The following GRHL2 variants were observed in gnomAD, a reference collection of about 807,000 sequenced individuals.
The protein encoded by GRHL2 is grainyhead-like protein 2 homolog.
A neutral mutation model predicts 83.8 loss-of-function variants in GRHL2; 21 were observed. The observed-to-expected ratio is 0.25, with a 90% CI of 0.18 to 0.36. The LOEUF is 0.36. Ranked by LOEUF, GRHL2 falls within the 10% of genes least tolerant of loss-of-function variation. The pLI is 1.00. For missense variants in GRHL2, 623 were observed against 781.8 expected (o/e 0.80, Z 2.42); for synonymous variants, 280 against 278.9 (o/e 1.00, Z -0.04).
downstream of GRHL2, among the ~76,000 whole-genome samples, chr8:101,673,231 A>G (rs991579277): frequency 1.4e-4 from 21 of 152,284 alleles, no homozygotes; most frequent in Non-Finnish European, 2.8e-4. Flanking sequence ...AATGGGCTAA[A>G]TGCTCCAATT....
chr8:101,677,374 C>T, the GRHL2 span, among the ~76,000 whole-genome samples: 1 of 151,954 alleles, frequency 6.6e-6, no homozygotes, highest in East Asian at 1.9e-4. Flanking sequence ...AAGGCATTGG[C>T]TGTGAGCTTG....
At chr8:101,605,705 A>T (rs948490889) in intron 8 of GRHL2, among the ~76,000 whole-genome samples, 2 of 152,134 alleles carry the variant, frequency 1.3e-5, no homozygotes, top group South Asian at 4.1e-4. Context: ...CATTGACCGG[A>T]ACTGATGTGG....
chr8:101,526,789 G>A (rs1343606957), intron 1 of GRHL2, among the ~76,000 whole-genome samples: 1 of 152,022 alleles, frequency 6.6e-6, no homozygotes, highest in East Asian at 1.9e-4. Context: ...CTGTATTTCG[G>A]TATGCAGTCA....
intron 1 of GRHL2, among the ~76,000 whole-genome samples, chr8:101,502,538 G>A (rs1810251001): frequency 6.6e-6 from 1 of 152,184 alleles, no homozygotes; most frequent in Non-Finnish European, 1.5e-5. Flanking sequence ...TTGCTGGGAT[G>A]GTAGAAAAGT....
downstream of GRHL2, among the ~76,000 whole-genome samples, chr8:101,670,490 G>A (rs1814187221): frequency 6.6e-6 from 1 of 152,236 alleles, no homozygotes; most frequent in Non-Finnish European, 1.5e-5. Flanking sequence ...CAGGGACTGG[G>A]AAGTGAGGGC....
intron 1 of GRHL2, among the ~76,000 whole-genome samples, chr8:101,533,580 G>A (rs762806484): frequency 6.6e-6 from 1 of 152,204 alleles, no homozygotes; most frequent in Non-Finnish European, 1.5e-5. Context: ...GTTACATTGT[G>A]TTTAAGGAGG....
chr8:101,548,390 G>A (rs1811309823), intron 2 of GRHL2, among the ~76,000 whole-genome samples: 1 of 152,148 alleles, frequency 6.6e-6, no homozygotes, highest in African/African-American at 2.4e-5. Context: ...CAAGAGCAGT[G>A]GGTTGACTGA....
rs144837251 is a variant in GRHL2, at chr8:101,566,193, T to A, written c.679-4146T>A. Among the ~76,000 whole-genome samples, 30 of 152,342 alleles carry A rather than the reference T, an allele frequency of 2.0e-4. No homozygotes were observed. The East Asian group carries it at 4.0e-3, about 21-fold the overall frequency. On this transcript the variant is annotated intron_variant, in intron 4 of 15. Coordinates refer to ENST00000646743, the MANE Select transcript of GRHL2 (RefSeq NM_024915.4). Reference sequence around the variant, plus strand: ...ATGGTAACACCAAATTTCTGTCACTTTGTTAATGTGTTTTAGCACCAAGTA... The same window carrying A: ...ATGGTAACACCAAATTTCTGTCACTATGTTAATGTGTTTTAGCACCAAGTA...
intron 1 of GRHL2, among the ~76,000 whole-genome samples, chr8:101,523,307 A>G (rs750243754): frequency 2.0e-5 from 3 of 151,836 alleles, no homozygotes; most frequent in Non-Finnish European, 4.4e-5. Flanking sequence ...CTTTCCTTGG[A>G]GAGGGGAACT....
chr8:101,657,620 C>CA (rs1401204811), intron 14 of GRHL2, among the ~76,000 whole-genome samples: 2 of 152,112 alleles, frequency 1.3e-5, no homozygotes, highest in Non-Finnish European at 2.9e-5. Context: ...ACGGGTGGAT[C>CA]ACGAGGTCAG....
At chr8:101,495,820 C>CA (rs1388103443) in intron 1 of GRHL2, among the ~76,000 whole-genome samples, 2 of 152,032 alleles carry the variant, frequency 1.3e-5, no homozygotes, top group Admixed American at 6.6e-5. Context: ...TTAATAGTCA[C>CA]AAAAAATACA....
intron 1 of GRHL2, among the ~76,000 whole-genome samples, chr8:101,510,817 G>A (rs1023627011): frequency 1.1e-4 from 16 of 152,098 alleles, no homozygotes; most frequent in Non-Finnish European, 2.4e-4. Flanking sequence ...CTTGTCGGCC[G>A]GGCGTGGTGG....
In GRHL2 at chr8:101,669,242, GA is replaced by G. The variant is rs1369470381; in HGVS notation, c.*2540del. 1 of 22,356 alleles carries G rather than the reference GA, an allele frequency of 4.5e-5. No individual in the cohort carries two copies. Among genetic ancestry groups the G allele is most frequent in the Non-Finnish European group, 1.1e-4 (1 of 9,112 alleles). 1.4% of individuals were successfully genotyped at this position (22,356 alleles called of 1,614,324 possible). ...ATGGAAGATCATGGACATGTGAAAT[GA>G]GCATTTTTTTCTTTTTTTTTTTTAA... On this transcript the variant is annotated 3_prime_UTR_variant, in exon 16 of 16. Coordinates refer to ENST00000646743, the MANE Select transcript of GRHL2 (RefSeq NM_024915.4).
intron 14 of GRHL2, among the ~76,000 whole-genome samples, chr8:101,654,159 A>G (rs16868139): frequency 0.13 from 19,976 of 152,212 alleles, 1,375 homozygotes; most frequent in South Asian, 0.25. Context: ...AGGAACTCAT[A>G]GTCTTCCAGG....
Position 101,492,751 on chromosome 8 carries a change from C to G in GRHL2, c.-19C>G, listed in dbSNP as rs939576671. 6.2e-7 allele frequency: 1 copy of G among 1,612,982 alleles called. No homozygotes were observed. The highest frequency in any genetic ancestry group is 1.3e-5 in the African/African-American group (1 of 75,018). Reference sequence around the variant, plus strand: ...GGCTGAGGCTCCAGGAAAAGCGGAGCAAGTTCATTGGATCAAACATGTCAC... The same window carrying G: ...GGCTGAGGCTCCAGGAAAAGCGGAGGAAGTTCATTGGATCAAACATGTCAC... On this transcript the variant is annotated 5_prime_UTR_variant, in exon 1 of 16. Transcript: ENST00000646743.
At chr8:101,578,430 A>C (rs1260582862) in intron 7 of GRHL2, among the ~76,000 whole-genome samples, 4 of 152,202 alleles carry the variant, frequency 2.6e-5, no homozygotes, top group Non-Finnish European at 5.9e-5. Context: ...CATCGGCAGA[A>C]TTTAACTCGG....
rs149082929 is a variant in GRHL2 at position 101,548,841 on chromosome 8, C to T, written c.217-3874C>T. ...AGCACAGCTGTCAGCACAGAGCTCA[C>T]ATCAGGGGCTCTTGGCAACAACAGC... On this transcript the variant is annotated intron_variant, in intron 2 of 15. Transcript: ENST00000646743. Among the ~76,000 whole-genome samples, 441 of 152,356 alleles carry T rather than the reference C, an allele frequency of 2.9e-3. 3 individuals carry two copies. The highest frequency in any genetic ancestry group is 4.4e-3 in the Admixed American group (68 of 15,302).
In GRHL2 at chr8:101,631,826, C is replaced by T. The variant is rs1049665214; in HGVS notation, c.1345+102C>T. The T allele has an allele frequency of 7.7e-6, 7 of 905,172 alleles. No homozygotes were observed. The Admixed American group carries it at 9.5e-5, about 12-fold the overall frequency. 56.1% of individuals were successfully genotyped at this position (905,172 alleles called of 1,614,324 possible). ...AGTGGGTTGCAGGTAAAACTGCATA[C>T]ATGCAAGGCATGGTTTGCTTTCCCC... On this transcript the variant is annotated intron_variant, in intron 10 of 15. Transcript: ENST00000646743.
chr8:101,584,046 T>C (rs1812112894), intron 7 of GRHL2, among the ~76,000 whole-genome samples: 1 of 152,218 alleles, frequency 6.6e-6, no homozygotes, highest in African/African-American at 2.4e-5. Context: ...AACATCATTA[T>C]AGTCACATCC....
Sources: gnomAD v4.1 joint callset for allele counts (sites outside exome capture counted in the v4.1 genomes callset) on GRCh38, gnomAD v4.1.1 for gene constraint, MANE v1.5 for transcripts, NCBI Gene and HGNC (gene_info 2026-07-23, HGNC 2026-07-21) for gene names.